Variants in USP9X observed in about 807,000 individuals in gnomAD.
USP9X encodes the protein ubiquitin carboxyl-terminal hydrolase 9X.
Under a neutral mutation model 190.3 loss-of-function variants are expected in USP9X, and 7 were observed. That is an observed-to-expected ratio of 0.04 (90% CI 0.02 to 0.07). The LOEUF (loss-of-function observed/expected upper bound fraction) is 0.07, where lower values mean the gene tolerates loss of function less well. Ranked by LOEUF, USP9X falls within the 10% of genes least tolerant of loss-of-function variation. The pLI is 1.00. For missense variants in USP9X, 1,010 were observed against 1,916.9 expected (o/e 0.53, Z 8.83); for synonymous variants, 645 against 659.5 (o/e 0.98, Z 0.34).
intron 24 of USP9X, among the ~76,000 whole-genome samples, chrX:41,187,129 G>C (rs938383621): frequency 8.9e-6 from 1 of 112,126 alleles, no homozygotes; most frequent in East Asian, 2.8e-4. Flanking sequence ...CACCATGCCC[G>C]GCCCAGATTC....
At chrX:41,169,883 C>A (rs936870024) in intron 18 of USP9X, 112 bp from the exon 19 acceptor site, 1 of 956,658 alleles carries the variant, frequency 1.0e-6, no homozygotes, top group Admixed American at 2.7e-5. Flanking sequence ...AATTCACATC[C>A]TCTTGTTTAA....
chrX:41,205,370 G>A lies in USP9X; in HGVS notation c.4892G>A (p.Ser1631Asn). The A allele has an allele frequency of 2.5e-6, 3 of 1,208,143 alleles. No individual in the cohort carries two copies. Among genetic ancestry groups the A allele is most frequent in the Middle Eastern group, 2.3e-4 (1 of 4,338 alleles). Residue 1631 changes from serine to asparagine, a missense_variant, in exon 32 of 45, where the codon AGT (serine) becomes AAT (asparagine). Transcript: ENST00000378308. Reference sequence around the variant, plus strand: ...CAATTTGAAGATAAACCAGCATTAAGTAAAACTGAAGATAGAAAAGAGTAC... The same window carrying A: ...CAATTTGAAGATAAACCAGCATTAAATAAAACTGAAGATAGAAAAGAGTAC... ...PQQFEDKPAL[S>N]KTEDRKEYNI...
chrX:41,089,656 G>A (rs1396372903), intron 1 of USP9X, among the ~76,000 whole-genome samples: 1 of 111,420 alleles, frequency 9.0e-6, no homozygotes, highest in Non-Finnish European at 1.9e-5. Flanking sequence ...ATGAAATTCT[G>A]TTATCTCAGT....
chrX:41,153,412 C>T (rs1301732077), intron 14 of USP9X, among the ~76,000 whole-genome samples: 1 of 111,913 alleles, frequency 8.9e-6, no homozygotes, highest in Non-Finnish European at 1.9e-5. Context: ...TAAAAGGAAA[C>T]TTGTTTTGTC....
intron 33 of USP9X, among the ~76,000 whole-genome samples, chrX:41,211,247 T>G (rs1319152201): frequency 8.9e-6 from 1 of 112,240 alleles, no homozygotes; most frequent in Non-Finnish European, 1.9e-5. Context: ...CACCTCAACT[T>G]CCCAAAGTGT....
rs55649554 is a variant in USP9X at position 41,153,233 on chromosome X, TAA to T, written c.1897+153_1897+154del. 250,695 of 535,759 alleles carry T rather than the reference TAA, an allele frequency of 0.47. 44,386 individuals are homozygous for T. Among genetic ancestry groups the T allele is most frequent in the Middle Eastern group, 0.55 (972 of 1,772 alleles). 44.2% of individuals were successfully genotyped at this position (535,759 alleles called of 1,213,427 possible). A position where few individuals can be genotyped will look rare whatever the true frequency, so the allele number is the denominator to read the frequency against. On this transcript the variant is annotated intron_variant, in intron 14 of 44. Transcript: ENST00000378308. Reference sequence around the variant, plus strand: ...CATCCTAAACTCTAGGCCAGCAGTTTAAGAGTCTTCACTAAGTGCTTGCCTTC... The same window carrying T: ...CATCCTAAACTCTAGGCCAGCAGTTTGAGTCTTCACTAAGTGCTTGCCTTC...
intron 15 of USP9X, among the ~76,000 whole-genome samples, chrX:41,164,846 G>A (rs925094129): frequency 1.8e-5 from 2 of 111,797 alleles, no homozygotes; most frequent in Non-Finnish European, 3.8e-5. Flanking sequence ...TCAAACTTAC[G>A]TAGGAGCTTT....
Position 41,173,867 on chromosome X carries a change from A to G in USP9X, c.3148+1909A>G, listed in dbSNP as rs759067758. 1.1e-4 allele frequency among the ~76,000 whole-genome samples: 12 copies of G among 112,251 alleles called. No homozygotes were observed. The East Asian group carries it at 2.0e-3, about 18-fold the overall frequency. ...CACACGAATGAAGCTATGTGTAAGC[A>G]TTGTATTAGGTGTTACCTAATACAA... On this transcript the variant is annotated intron_variant, in intron 21 of 44. Transcript: ENST00000378308.
chrX:41,150,194 C>T (rs1481219549), intron 12 of USP9X, among the ~76,000 whole-genome samples: 1 of 110,352 alleles, frequency 9.1e-6, no homozygotes, highest in Non-Finnish European at 1.9e-5. Flanking sequence ...TTTTCCTTTC[C>T]CTGTACGCAA....
chrX:41,091,674 A>G (rs2061956042), intron 1 of USP9X, among the ~76,000 whole-genome samples: 1 of 111,888 alleles, frequency 8.9e-6, no homozygotes. Flanking sequence ...ATCTCATTAC[A>G]ATGAGAAATC....
chrX:41,129,271 T>C (rs1468544731), intron 3 of USP9X, 126 bp downstream of exon 3: 7 of 687,786 alleles, frequency 1.0e-5, no homozygotes, highest in Non-Finnish European at 1.5e-5. Flanking sequence ...ATAGATTTAA[T>C]AAATGAAAGG....
At chrX:41,144,388 T>C (rs1052072920) in intron 10 of USP9X, 134 bp from the exon 11 acceptor site, 3 of 521,956 alleles carry the variant, frequency 5.7e-6, no homozygotes, top group Non-Finnish European at 9.8e-6. Flanking sequence ...CGGGCTGTGT[T>C]AGGAATTTTC....
At chrX:41,227,735 CTGT>C (rs1170573377) in intron 41 of USP9X, among the ~76,000 whole-genome samples, 1 of 110,121 alleles carries the variant, frequency 9.1e-6, no homozygotes, top group Non-Finnish European at 1.9e-5. Context: ...GAGTCTCACT[CTGT>C]CACCCAGGCT....
intron 14 of USP9X, among the ~76,000 whole-genome samples, chrX:41,153,352 A>G (rs185305733): frequency 4.8e-4 from 54 of 111,676 alleles, no homozygotes; most frequent in Admixed American, 2.2e-3. Context: ...TTAGGAATGT[A>G]CTTGGCTCAT....
chrX:41,212,459 T>TAAAA (rs10658085), intron 33 of USP9X, among the ~76,000 whole-genome samples: 2 of 66,687 alleles, frequency 3.0e-5, no homozygotes, highest in African/African-American at 1.2e-4. Context: ...AATGATCAAT[T>TAAAA]AAAAAAAAAA....
intron 4 of USP9X, among the ~76,000 whole-genome samples, chrX:41,133,231 C>T (rs1054612370): frequency 5.2e-4 from 58 of 111,626 alleles, no homozygotes; most frequent in Non-Finnish European, 5.6e-5. Context: ...AAATAATATC[C>T]CAAAGTGAAA....
At chrX:41,163,623 T>G (rs562732538) in intron 15 of USP9X, among the ~76,000 whole-genome samples, 24 of 108,986 alleles carry the variant, frequency 2.2e-4, no homozygotes, top group African/African-American at 7.0e-4. Context: ...CATGGTGGTG[T>G]TCACCTGTAG....
At chrX:41,146,999 C>T (rs1047854803) in intron 11 of USP9X, among the ~76,000 whole-genome samples, 1 of 111,082 alleles carries the variant, frequency 9.0e-6, no homozygotes, top group Non-Finnish European at 1.9e-5. Context: ...TGTCTTAGAT[C>T]ATACATCTTC....
At chrX:41,211,678 C>T (rs1246199713) in intron 33 of USP9X, among the ~76,000 whole-genome samples, 2 of 104,715 alleles carry the variant, frequency 1.9e-5, no homozygotes, top group African/African-American at 7.1e-5. Flanking sequence ...GTCAGCCCCC[C>T]ACCCGGCCAG....
Sources: allele counts gnomAD v4.1 joint callset (sites outside exome capture counted in the v4.1 genomes callset), GRCh38; gene constraint gnomAD v4.1.1; transcripts MANE v1.5; gene names NCBI Gene and HGNC (gene_info 2026-07-23, HGNC 2026-07-21).